The following MICU1 variants were observed in gnomAD, a reference collection of about 807,000 sequenced individuals.
MICU1 encodes the protein calcium uptake protein 1, mitochondrial.
MICU1 carries 45 observed loss-of-function variants against 56.8 expected under a neutral mutation model. That is an observed-to-expected ratio of 0.79 (90% CI 0.62 to 1.02). The LOEUF (loss-of-function observed/expected upper bound fraction) is 1.02. Among genes scored for constraint, MICU1 ranks in the 50% least tolerant of loss-of-function variants. MICU1 has a pLI of 0.00. For missense variants in MICU1, 504 were observed against 587.1 expected (o/e 0.86, Z 1.46); for synonymous variants, 186 against 195.1 (o/e 0.95, Z 0.39).
intron 1 of MICU1, among the ~76,000 whole-genome samples, chr10:72,610,137 T>C (rs993128634): frequency 6.6e-6 from 1 of 151,790 alleles, no homozygotes; most frequent in Non-Finnish European, 1.5e-5. Context: ...GGTACACACC[T>C]GTAGTCCCAG....
intron 8 of MICU1, among the ~76,000 whole-genome samples, chr10:72,427,063 C>G: frequency 6.6e-6 from 1 of 152,230 alleles, no homozygotes; most frequent in East Asian, 1.9e-4. Flanking sequence ...GTGTTTGATT[C>G]TGAGGCACAG....
chr10:72,615,826 T>C (rs1841965201), intron 1 of MICU1, among the ~76,000 whole-genome samples: 1 of 151,998 alleles, frequency 6.6e-6, no homozygotes, highest in Admixed American at 6.6e-5. Context: ...CTGTCTCTAC[T>C]AAAAATACAA....
intron 8 of MICU1, among the ~76,000 whole-genome samples, chr10:72,436,507 C>T (rs60838606): frequency 0.041 from 6,238 of 152,230 alleles, 375 homozygotes; most frequent in East Asian, 0.19. Context: ...CGCATCTTCT[C>T]CAAAGGATCG....
chr10:72,467,770 C>T (rs1008503634), intron 8 of MICU1: 4 of 151,912 alleles, frequency 2.6e-5, no homozygotes, highest in Admixed American at 2.6e-4. Context: ...TGAATCATAC[C>T]TAATTTACCT....
intron 1 of MICU1, among the ~76,000 whole-genome samples, chr10:72,579,242 T>C (rs747593008): frequency 1.3e-5 from 2 of 152,112 alleles, no homozygotes; most frequent in Non-Finnish European, 2.9e-5. Flanking sequence ...AACAAAAAAT[T>C]ATTGCTTATA....
chr10:72,398,716 C>T (rs1172140452), intron 10 of MICU1, among the ~76,000 whole-genome samples: 1 of 152,152 alleles, frequency 6.6e-6, no homozygotes, highest in African/African-American at 2.4e-5. Flanking sequence ...TTCCTGGACA[C>T]ATACACCCTC....
In MICU1 at chr10:72,367,450, T is replaced by G. The variant is rs1209093579; in HGVS notation, c.*745A>C. ...AGGCCTCAGCTTTAGAGGCCCATCC[T>G]GGAGAGGAAATGGCACTTGCAGGGA... On this transcript the variant is annotated 3_prime_UTR_variant, in exon 12 of 12. Transcript: ENST00000361114. The G allele has an allele frequency of 6.6e-6, 1 of 152,340 alleles. No individual in the cohort carries two copies. The highest frequency in any genetic ancestry group is 1.5e-5 in the Non-Finnish European group (1 of 68,034). The allele number at this position is 152,340 out of a possible 1,614,324, so 9.4% of individuals were successfully genotyped here.
intron 5 of MICU1, chr10:72,524,592 T>A (rs1319551060): frequency 2.2e-6 from 1 of 460,096 alleles, no homozygotes; most frequent in African/African-American, 2.0e-5. Flanking sequence ...TAAAGTATGT[T>A]AATTTAAAGT....
At chr10:72,448,494 A>G (rs1865194254) in intron 8 of MICU1, among the ~76,000 whole-genome samples, 1 of 152,016 alleles carries the variant, frequency 6.6e-6, no homozygotes, top group Non-Finnish European at 1.5e-5. Flanking sequence ...TTTTTAATAC[A>G]CTAAACATTA....
chr10:72,439,894 AAGG>A (rs1216863095), intron 8 of MICU1, among the ~76,000 whole-genome samples: 1 of 152,222 alleles, frequency 6.6e-6, no homozygotes, highest in Non-Finnish European at 1.5e-5. Flanking sequence ...CAATGAAATA[AAGG>A]AGGACACAAA....
chr10:72,515,811 T>C (rs576789970), intron 5 of MICU1, among the ~76,000 whole-genome samples: 1 of 152,316 alleles, frequency 6.6e-6, no homozygotes, highest in East Asian at 1.9e-4. Flanking sequence ...TATGGAACAT[T>C]TCCATCACTT....
intron 1 of MICU1, among the ~76,000 whole-genome samples, chr10:72,571,682 C>T (rs1840613809): frequency 6.6e-6 from 1 of 152,048 alleles, no homozygotes; most frequent in Non-Finnish European, 1.5e-5. Context: ...AGCCAGAAGG[C>T]ATTAATAACC....
At chr10:72,592,334 A>G (rs6480633) in intron 1 of MICU1, among the ~76,000 whole-genome samples, 70,783 of 151,664 alleles carry the variant, frequency 0.47, 20,509 homozygotes, top group Non-Finnish European at 0.67. Context: ...GGAAAAAAAA[A>G]AGAATTCTCC....
In MICU1 at chr10:72,379,965, TG is replaced by T. The variant is rs1862645981; in HGVS notation, c.1181-4094del. On this transcript the variant is annotated intron_variant, in intron 10 of 11. Transcript: ENST00000361114. Reference sequence around the variant, plus strand: ...CAGGAAGCCAACATTTAATAGCTGGTGAGCTGTCAAACTAGGAGCACCTGGG... The same window carrying T: ...CAGGAAGCCAACATTTAATAGCTGGTAGCTGTCAAACTAGGAGCACCTGGG... Among the ~76,000 whole-genome samples the T allele has an allele frequency of 2.0e-5, 3 of 152,134 alleles. No individual in the cohort carries two copies. The South Asian group carries it at 6.2e-4, about 31-fold the overall frequency.
At chr10:72,373,936 CTAGTT>C (rs961730316) in intron 11 of MICU1, among the ~76,000 whole-genome samples, 1 of 152,116 alleles carries the variant, frequency 6.6e-6, no homozygotes, top group African/African-American at 2.4e-5. Context: ...TAGCCACTAG[CTAGTT>C]TAAATTTAAA....
At chr10:72,499,700 TAAG>T (rs1443415231) in intron 6 of MICU1, among the ~76,000 whole-genome samples, 14 of 152,338 alleles carry the variant, frequency 9.2e-5, no homozygotes, top group African/African-American at 2.6e-4. Flanking sequence ...GATGTCCCAG[TAAG>T]AAGGATTTGT....
chr10:72,619,455 A>G (rs1363358047), intron 1 of MICU1, among the ~76,000 whole-genome samples: 1 of 152,310 alleles, frequency 6.6e-6, no homozygotes, highest in Middle Eastern at 3.4e-3. Flanking sequence ...AAAAAACTAA[A>G]TAAATAAATA....
At chr10:72,572,929 T>C (rs1371849837) in intron 1 of MICU1, among the ~76,000 whole-genome samples, 1 of 152,132 alleles carries the variant, frequency 6.6e-6, no homozygotes, top group Non-Finnish European at 1.5e-5. Context: ...TATACTGGCC[T>C]AGAAATTCCA....
chr10:72,566,351 G>A (rs1840439120), intron 2 of MICU1, among the ~76,000 whole-genome samples: 1 of 152,022 alleles, frequency 6.6e-6, no homozygotes. Context: ...TGGCCAGAAA[G>A]CCTTCATTTT....
Sources: allele counts gnomAD v4.1 joint callset (sites outside exome capture counted in the v4.1 genomes callset), GRCh38; gene constraint gnomAD v4.1.1; transcripts MANE v1.5; gene names NCBI Gene and HGNC (gene_info 2026-07-23, HGNC 2026-07-21).